LRRC28: variants seen among roughly 807,000 people sequenced by gnomAD.
LRRC28 encodes leucine-rich repeat-containing protein 28.
In LRRC28, 39 loss-of-function variants were observed where a neutral mutation model predicts 45.7. The ratio of observed to expected loss-of-function variants is 0.85; its 90% CI spans 0.66 to 1.12. The LOEUF (loss-of-function observed/expected upper bound fraction) is 1.12. Ranked by LOEUF, LRRC28 falls within the 50% of genes most tolerant of loss-of-function variation. The pLI, the probability that LRRC28 is intolerant of heterozygous loss-of-function variation, is 0.00. For missense variants in LRRC28, 435 were observed against 438.5 expected, an observed-to-expected ratio of 0.99 and a Z score of 0.07; for synonymous variants, 206 against 178.8, an observed-to-expected ratio of 1.15 and a Z score of -1.22.
At position 99,334,086 on chromosome 15, in the gene LRRC28, T is replaced by C; in HGVS notation, c.549T>C (p.Asn183=). Residue 183 remains asparagine (N), a synonymous_variant, in exon 6 of 10, where the codon AAT becomes AAC. Transcript: ENST00000301981. ...ATCTCTGCCAGCTGCCCAGCCTCAA[T>C]GAGCTCTCCATGGCTGGAAACCGTC... ...PRHLCQLPSL[N]ELSMAGNRLA... 6.2e-7 allele frequency: 1 copy of C among 1,614,174 alleles called. No homozygotes were observed. The highest frequency in any genetic ancestry group is 8.5e-7 in the Non-Finnish European group (1 of 1,180,000).
rs1958063520 is a variant in LRRC28 at position 99,387,574 on chromosome 15, G to T, written c.*1472G>T. On this transcript the variant is annotated 3_prime_UTR_variant, in exon 10 of 10. Coordinates refer to ENST00000301981, the MANE Select transcript of LRRC28 (RefSeq NM_144598.5). ...CAGAAAGTCTGTGAGCCTCCACCCT[G>T]CCAGAAAGAACTCTTCATGAAGAAG... 3 of 152,158 alleles carry T rather than the reference G, an allele frequency of 2.0e-5. No homozygotes were observed. Among genetic ancestry groups the T allele is most frequent in the Admixed American group, 2.0e-4 (3 of 15,276 alleles). 9.4% of individuals were successfully genotyped at this position (152,158 alleles called of 1,614,324 possible).
intron 5 of LRRC28, among the ~76,000 whole-genome samples, chr15:99,311,690 TA>T (rs1235388259): frequency 6.6e-6 from 1 of 152,178 alleles, no homozygotes; most frequent in Non-Finnish European, 1.5e-5. Flanking sequence ...AAGAGTACTC[TA>T]AAAAGCCAAG....
At chr15:99,372,628 T>A (rs1200241042) in intron 9 of LRRC28, among the ~76,000 whole-genome samples, 2 of 152,158 alleles carry the variant, frequency 1.3e-5, no homozygotes, top group Non-Finnish European at 2.9e-5. Flanking sequence ...GTTGCACAAA[T>A]ATGAAACCTC....
intron 5 of LRRC28, 71 bp from the exon 6 acceptor site, chr15:99,333,852 T>A: frequency 6.8e-7 from 1 of 1,468,800 alleles, no homozygotes; most frequent in Non-Finnish European, 9.5e-7. Flanking sequence ...TAAACTGTTA[T>A]AATATTGATT....
intron 6 of LRRC28, among the ~76,000 whole-genome samples, chr15:99,351,115 GTTCT>G (rs1265985158): frequency 1.3e-5 from 2 of 151,972 alleles, no homozygotes; most frequent in African/African-American, 4.8e-5. Context: ...GCCATATTAT[GTTCT>G]TTCTTAAGAG....
At chr15:99,325,974 C>T (rs1597351080) in intron 5 of LRRC28, among the ~76,000 whole-genome samples, 1 of 152,132 alleles carries the variant, frequency 6.6e-6, no homozygotes, top group East Asian at 1.9e-4. Flanking sequence ...AATGGGAAGG[C>T]TTGTTGGTTG....
chr15:99,319,739 A>G (rs1460844840), intron 5 of LRRC28, among the ~76,000 whole-genome samples: 1 of 152,026 alleles, frequency 6.6e-6, no homozygotes, highest in Non-Finnish European at 1.5e-5. Context: ...CCTAGACATA[A>G]ATATTTAAAT....
intron 5 of LRRC28, among the ~76,000 whole-genome samples, chr15:99,319,446 A>T (rs1955715677): frequency 6.6e-6 from 1 of 152,226 alleles, no homozygotes; most frequent in Admixed American, 6.5e-5. Context: ...TGCTTTTAAA[A>T]ATCAAAGACA....
chr15:99,371,075 C>T (rs574455540), intron 9 of LRRC28, among the ~76,000 whole-genome samples: 4 of 144,604 alleles, frequency 2.8e-5, no homozygotes, highest in African/African-American at 1.0e-4. Flanking sequence ...CACTGCACTC[C>T]AGGGTGGGTG....
At chr15:99,296,542 A>G (rs1354656476) in intron 5 of LRRC28, among the ~76,000 whole-genome samples, 1 of 152,200 alleles carries the variant, frequency 6.6e-6, no homozygotes, top group Non-Finnish European at 1.5e-5. Context: ...TTCTCTCACT[A>G]AAAAAGAATC....
chr15:99,324,887 ACT>A (rs774391477), intron 5 of LRRC28, among the ~76,000 whole-genome samples: 57 of 152,222 alleles, frequency 3.7e-4, no homozygotes, highest in Admixed American at 6.5e-4. Context: ...ATGCATTGTA[ACT>A]CTGTGTCAGG....
At chr15:99,269,518 C>T (rs1015011264) in intron 2 of LRRC28, among the ~76,000 whole-genome samples, 14 of 152,106 alleles carry the variant, frequency 9.2e-5, no homozygotes, top group East Asian at 3.9e-4. Context: ...ATTCTCCTGC[C>T]TCATCCTCCC....
intron 2 of LRRC28, among the ~76,000 whole-genome samples, chr15:99,262,340 G>T (rs934963023): frequency 6.6e-6 from 1 of 152,124 alleles, no homozygotes; most frequent in Admixed American, 6.5e-5. Flanking sequence ...CCAGCATTTT[G>T]GGAGGCCAAG....
chr15:99,327,082 A>T (rs1375595152), intron 5 of LRRC28, among the ~76,000 whole-genome samples: 6 of 151,718 alleles, frequency 4.0e-5, no homozygotes, highest in African/African-American at 1.2e-4. Flanking sequence ...GTTTTTTTTT[A>T]ATTTTTTTTG....
intron 2 of LRRC28, among the ~76,000 whole-genome samples, chr15:99,272,119 A>T (rs535416110): frequency 6.6e-6 from 1 of 152,206 alleles, no homozygotes; most frequent in Non-Finnish European, 1.5e-5. Flanking sequence ...TATAGCTTGT[A>T]TAACAACCCA....
At chr15:99,385,702 G>C (rs1167498269) in intron 9 of LRRC28, among the ~76,000 whole-genome samples, 2 of 150,002 alleles carry the variant, frequency 1.3e-5, no homozygotes, top group African/African-American at 4.9e-5. Context: ...TGCGTTGTTG[G>C]TTCTAGAAAG....
At chr15:99,371,461 T>C (rs990553621) in intron 9 of LRRC28, among the ~76,000 whole-genome samples, 3 of 152,270 alleles carry the variant, frequency 2.0e-5, no homozygotes, top group Non-Finnish European at 4.4e-5. Context: ...AGTTTCCTTT[T>C]GTCTTTCAAA....
intron 9 of LRRC28, among the ~76,000 whole-genome samples, chr15:99,379,121 C>T (rs1957737129): frequency 6.6e-6 from 1 of 152,112 alleles, no homozygotes; most frequent in African/African-American, 2.4e-5. Flanking sequence ...GGTACTAGCT[C>T]CTCCTTGTAC....
intron 5 of LRRC28, among the ~76,000 whole-genome samples, chr15:99,326,920 C>A (rs562839652): frequency 1.3e-5 from 2 of 152,032 alleles, no homozygotes; most frequent in East Asian, 3.8e-4. Flanking sequence ...AAAGTTTTTC[C>A]TCCTGTTTTC....
Sources: gnomAD v4.1 joint callset for allele counts (sites outside exome capture counted in the v4.1 genomes callset) on GRCh38, gnomAD v4.1.1 for gene constraint, MANE v1.5 for transcripts, NCBI Gene and HGNC (gene_info 2026-07-23, HGNC 2026-07-21) for gene names.